The following NR1D2 variants were observed in gnomAD, a reference collection of about 807,000 sequenced individuals.
NR1D2 encodes the protein nuclear receptor subfamily 1 group D member 2.
A neutral mutation model predicts 52.2 loss-of-function variants in NR1D2; 25 were observed. The ratio of observed to expected loss-of-function variants is 0.48; its 90% CI spans 0.35 to 0.67. The LOEUF (loss-of-function observed/expected upper bound fraction) is 0.67, where lower values mean the gene tolerates loss of function less well. Among genes scored for constraint, NR1D2 ranks in the 30% least tolerant of loss-of-function variants. The pLI is 0.01. For missense variants in NR1D2, 681 were observed against 707.2 expected (o/e 0.96, Z 0.42); for synonymous variants, 259 against 230.1 (o/e 1.13, Z -1.14).
At chr3:23,946,003 G>C (rs1010977823) in intron 1 of NR1D2, 28 of 668,256 alleles carry the variant, frequency 4.2e-5, no homozygotes, top group Admixed American at 6.3e-5. Flanking sequence ...CACATTCCCC[G>C]GGGCCGCAGG....
rs1219351176 is a variant in NR1D2, at chr3:23,959,883, CA to C, written c.517+69del. ...TTGGCTTTTATTCCTCATCATGAAC[CA>C]GAGCTATAAACCGGTTACCAAGGAC... On this transcript the variant is annotated intron_variant, in intron 4 of 7. Transcript: ENST00000312521. 124 of 1,475,500 alleles carry C rather than the reference CA, an allele frequency of 8.4e-5. 1 individual carries two copies. Among genetic ancestry groups the C allele is most frequent in the South Asian group, 8.3e-4 (61 of 73,342 alleles). 91.4% of individuals were successfully genotyped at this position (1,475,500 alleles called of 1,614,324 possible).
intron 4 of NR1D2, 81 bp from the exon 5 acceptor site, chr3:23,961,896 G>A (rs1285637688): frequency 1.5e-6 from 2 of 1,323,178 alleles, no homozygotes; most frequent in Non-Finnish European, 2.0e-6. Context: ...GGCCATAACT[G>A]TTGGATAATT....
At chr3:23,973,688 C>G (rs768132646) in intron 7 of NR1D2, among the ~76,000 whole-genome samples, 1 of 152,000 alleles carries the variant, frequency 6.6e-6, no homozygotes, top group Non-Finnish European at 1.5e-5. Flanking sequence ...AATAAATTAA[C>G]CTTAGCTTGC....
At chr3:23,948,275 C>G (rs573837251) in intron 1 of NR1D2, among the ~76,000 whole-genome samples, 2 of 152,248 alleles carry the variant, frequency 1.3e-5, no homozygotes, top group African/African-American at 4.8e-5. Context: ...TACTGTCCTT[C>G]GTGACATCTC....
chr3:23,973,573 T>C (rs1706645945), intron 7 of NR1D2, among the ~76,000 whole-genome samples: 1 of 152,180 alleles, frequency 6.6e-6, no homozygotes, highest in Non-Finnish European at 1.5e-5. Flanking sequence ...AGTGAGTGCA[T>C]CGTGAGGGCA....
At chr3:23,963,166 T>G in intron 5 of NR1D2, 9 of 736,792 alleles carry the variant, frequency 1.2e-5, no homozygotes, top group African/African-American at 3.6e-5. Context: ...GACTTAATGT[T>G]GGTCATATCA....
chr3:23,975,187 C>T (rs1440397970), intron 7 of NR1D2, among the ~76,000 whole-genome samples: 1 of 152,008 alleles, frequency 6.6e-6, no homozygotes, highest in Non-Finnish European at 1.5e-5. Context: ...GTGGAATGAT[C>T]GTGGGTCACT....
chr3:23,945,787 C>T (rs1022581786), intron 1 of NR1D2, among the ~76,000 whole-genome samples, 193 bp downstream of exon 1: 3 of 150,504 alleles, frequency 2.0e-5, no homozygotes, highest in African/African-American at 7.3e-5. Flanking sequence ...TCTTGTCTCC[C>T]TGCAAAGCCG....
chr3:23,951,874 G>A (rs2125283550), intron 1 of NR1D2, among the ~76,000 whole-genome samples: 1 of 152,356 alleles, frequency 6.6e-6, no homozygotes, highest in Non-Finnish European at 1.5e-5. Flanking sequence ...TTCTCTGGGT[G>A]ATGAAAATAA....
chr3:23,978,389 T>A lies in NR1D2; in HGVS notation c.*970T>A, dbSNP rs1202181978. 1 of 152,190 alleles carries A rather than the reference T, an allele frequency of 6.6e-6. No homozygotes were observed. Among genetic ancestry groups the A allele is most frequent in the Non-Finnish European group, 1.5e-5 (1 of 68,016 alleles). 9.4% of individuals were successfully genotyped at this position (152,190 alleles called of 1,614,324 possible). A position where few individuals can be genotyped will look rare whatever the true frequency, so the allele number is the denominator to read the frequency against. On this transcript the variant is annotated 3_prime_UTR_variant, in exon 8 of 8. Coordinates refer to ENST00000312521, the MANE Select transcript of NR1D2 (RefSeq NM_005126.5). ...GGCATAACCATTGCTTTAAAATGTT[T>A]AGACAGTAGAATATTGAATTTATGC...
At chr3:23,946,321 A>G (rs1217541621) in intron 1 of NR1D2, 1 of 982,128 alleles carries the variant, frequency 1.0e-6, no homozygotes, top group Non-Finnish European at 1.2e-6. Flanking sequence ...GTAGCTGCAT[A>G]CCTTGCAGAT....
intron 1 of NR1D2, among the ~76,000 whole-genome samples, chr3:23,949,628 G>GC (rs2125281747): frequency 6.6e-6 from 1 of 152,344 alleles, no homozygotes; most frequent in South Asian, 2.1e-4. Context: ...GTTCTCTGGA[G>GC]CCCTGACACC....
Position 23,954,741 on chromosome 3 carries a change from G to A in NR1D2, c.221G>A (p.Cys74Tyr). 6.2e-7 allele frequency: 1 copy of A among 1,614,012 alleles called. No individual in the cohort carries two copies. The highest frequency in any genetic ancestry group is 8.5e-7 in the Non-Finnish European group (1 of 1,179,874). ...EGILKNDRID[C>Y]SMKTSKSSAP... ...ATCTTGAAGAATGATCGAATAGATT[G>A]TTCTATGAAAACAAGCAAATCGAGT... Residue 74 changes from cysteine to tyrosine, a missense_variant, in exon 2 of 8, where the codon TGT (cysteine) becomes TAT (tyrosine). Physicochemically the swap from Cys to Tyr is radical, Grantham distance 194. Coordinates refer to ENST00000312521, the MANE Select transcript of NR1D2 (RefSeq NM_005126.5).
In NR1D2 at chr3:23,945,511, A is replaced by AGGCGGC. The variant is rs369955272; in HGVS notation, c.-57_-52dup. On this transcript the variant is annotated 5_prime_UTR_variant, in exon 1 of 8. Coordinates refer to ENST00000312521, the MANE Select transcript of NR1D2 (RefSeq NM_005126.5). ...TCCAGCCCGGGGCGGCGCGGCGCTGAGGCGGCGGCGGCGGCGCTGCCCCCT... is the reference window on the plus strand; with the variant it reads ...TCCAGCCCGGGGCGGCGCGGCGCTGAGGCGGCGGCGGCGGCGGCGGCGCTGCCCCCT... The AGGCGGC allele has an allele frequency of 2.0e-3, 1,910 of 932,022 alleles. 19 individuals are homozygous for AGGCGGC. In the African/African-American group the frequency reaches 0.027, roughly 13 times the overall value. 57.7% of individuals were successfully genotyped at this position (932,022 alleles called of 1,614,324 possible).
intron 1 of NR1D2, among the ~76,000 whole-genome samples, chr3:23,950,378 AT>A (rs1705893303): frequency 6.6e-6 from 1 of 152,238 alleles, no homozygotes; most frequent in South Asian, 2.1e-4. Context: ...TTAAAAAATG[AT>A]TTGATGAAAG....
Position 23,977,561 on chromosome 3 carries a change from A to T in NR1D2, c.*142A>T. On this transcript the variant is annotated 3_prime_UTR_variant, in exon 8 of 8. Transcript: ENST00000312521. ...TGTAGGCTATCTCTGTAATCATGCA[A>T]TAGCTGTTCGGATTGAGAACTCTTC... is the stretch of plus-strand genomic sequence containing the variant. 2.0e-6 allele frequency: 1 copy of T among 496,136 alleles called. No homozygotes were observed. The allele number at this position is 496,136 out of a possible 1,614,324, so 30.7% of individuals were successfully genotyped here.
At chr3:23,959,978 C>G in intron 4 of NR1D2, 163 bp downstream of exon 4, 1 of 513,402 alleles carries the variant, frequency 1.9e-6, no homozygotes, top group Admixed American at 4.0e-5. Flanking sequence ...TGATTAAAGT[C>G]GTATTTTAGC....
At chr3:23,945,664 G>A in intron 1 of NR1D2, 70 bp downstream of exon 1, 1 of 1,077,980 alleles carries the variant, frequency 9.3e-7, no homozygotes, top group Non-Finnish European at 1.2e-6. Context: ...GCACTTTGGG[G>A]GGCGGCGGCA....
At chr3:23,953,542 T>C (rs761274749) in intron 1 of NR1D2, among the ~76,000 whole-genome samples, 17 of 151,898 alleles carry the variant, frequency 1.1e-4, no homozygotes, top group Admixed American at 3.3e-4. Flanking sequence ...AAGTAGTGAG[T>C]CTGGATTTCT....
Sources: gnomAD v4.1 joint callset for allele counts (sites outside exome capture counted in the v4.1 genomes callset) on GRCh38, gnomAD v4.1.1 for gene constraint, MANE v1.5 for transcripts, NCBI Gene and HGNC (gene_info 2026-07-23, HGNC 2026-07-21) for gene names.